Variants in SPECC1 observed in about 807,000 individuals in gnomAD.
The protein encoded by SPECC1 is cytospin-B.
Under a neutral mutation model 104.1 loss-of-function variants are expected in SPECC1, and 62 were observed. That is an observed-to-expected ratio of 0.60 (90% confidence interval 0.49 to 0.74). SPECC1 has a LOEUF of 0.74. Among genes scored for constraint, SPECC1 ranks in the 30% least tolerant of loss-of-function variants. SPECC1 has a pLI of 0.00. For synonymous variants in SPECC1, 513 were observed against 501.6 expected, an observed-to-expected ratio of 1.02 and a Z score of -0.30; for missense variants, 1,306 against 1,310.5, an observed-to-expected ratio of 1.00 and a Z score of 0.05.
chr17:20,198,067 G>C (rs1459711882), intron 3 of SPECC1, among the ~76,000 whole-genome samples: 1 of 152,172 alleles, frequency 6.6e-6, no homozygotes. Flanking sequence ...GATCTGGCTT[G>C]CAGCACCATT....
chr17:20,260,473 G>A (rs565289585), intron 12 of SPECC1, among the ~76,000 whole-genome samples, 179 bp downstream of exon 12: 25 of 152,328 alleles, frequency 1.6e-4, no homozygotes, highest in Admixed American at 1.1e-3. Flanking sequence ...CAAAGGCACC[G>A]TGACAGAGGC....
chr17:20,253,350 C>T (rs1051355569), intron 9 of SPECC1, among the ~76,000 whole-genome samples, 155 bp from the exon 10 acceptor site: 4 of 152,092 alleles, frequency 2.6e-5, no homozygotes, highest in Admixed American at 2.6e-4. Context: ...GCATGTATTA[C>T]CTATTCAAAT....
intron 4 of SPECC1, among the ~76,000 whole-genome samples, chr17:20,226,427 G>A (rs1293413854): frequency 6.6e-6 from 1 of 152,134 alleles, no homozygotes; most frequent in Non-Finnish European, 1.5e-5. Context: ...GTAGCATTGT[G>A]TAAAAGGACA....
intron 4 of SPECC1, among the ~76,000 whole-genome samples, chr17:20,208,062 T>C (rs1019989269): frequency 6.6e-6 from 1 of 152,232 alleles, no homozygotes; most frequent in Non-Finnish European, 1.5e-5. Flanking sequence ...TGGAATCTTC[T>C]GGAATAAACT....
intron 4 of SPECC1, among the ~76,000 whole-genome samples, chr17:20,207,044 G>C (rs1405717338): frequency 6.6e-6 from 1 of 152,202 alleles, no homozygotes; most frequent in Non-Finnish European, 1.5e-5. Context: ...TCCCAGAGCA[G>C]TGCTGGAGAG....
chr17:20,275,095 T>C (rs1233679140), intron 12 of SPECC1, among the ~76,000 whole-genome samples: 1 of 152,122 alleles, frequency 6.6e-6, no homozygotes, highest in Non-Finnish European at 1.5e-5. Context: ...TTTTAGCTTT[T>C]AATGAGCTAT....
At position 20,184,258 on chromosome 17, in the gene SPECC1, G is replaced by A. The variant is rs145877663; in HGVS notation, c.284-20075G>A. ...GGACAAGTGAGAGCTATTTCCTGAA[G>A]CTATGACCAGGATGTATTATCAGGT... On this transcript the variant is annotated intron_variant, in intron 3 of 14. Transcript: ENST00000395527. Among the ~76,000 whole-genome samples the A allele has an allele frequency of 5.9e-3, 894 of 151,158 alleles. 2 individuals are homozygous for A. Among genetic ancestry groups the A allele is most frequent in the Middle Eastern group, 0.014 (4 of 288 alleles).
chr17:20,015,622 T>C (rs2044091884), intron 1 of SPECC1, among the ~76,000 whole-genome samples: 1 of 140,996 alleles, frequency 7.1e-6, no homozygotes, highest in East Asian at 2.0e-4. Flanking sequence ...TCTCGCTCTG[T>C]CGCCCAGGCT....
At chr17:20,123,749 T>C (rs952402657) in intron 3 of SPECC1, among the ~76,000 whole-genome samples, 2 of 152,250 alleles carry the variant, frequency 1.3e-5, no homozygotes, top group Admixed American at 6.5e-5. Context: ...TTACCTGTTG[T>C]AGAATTACTA....
chr17:20,236,739 C>G, intron 7 of SPECC1: 2 of 1,324,062 alleles, frequency 1.5e-6, no homozygotes, highest in Non-Finnish European at 2.1e-6. Context: ...TTGGCCTATC[C>G]TGGACATTAG....
intron 3 of SPECC1, among the ~76,000 whole-genome samples, chr17:20,129,271 G>A (rs368868286): frequency 2.7e-5 from 4 of 150,504 alleles, no homozygotes; most frequent in Non-Finnish European, 5.9e-5. Flanking sequence ...TGCAAGCTCC[G>A]CCTCCCGGGT....
chr17:20,139,006 C>T (rs2030396784), intron 3 of SPECC1, among the ~76,000 whole-genome samples: 1 of 152,160 alleles, frequency 6.6e-6, no homozygotes, highest in Non-Finnish European at 1.5e-5. Flanking sequence ...TGCAGCAATT[C>T]AGAGACAAGC....
chr17:20,047,352 C>CT (rs1567811231), intron 1 of SPECC1, among the ~76,000 whole-genome samples: 1 of 152,134 alleles, frequency 6.6e-6, no homozygotes, highest in African/African-American at 2.4e-5. Flanking sequence ...TGCCTTTTTC[C>CT]GCATTATGGG....
At chr17:20,112,277 G>T in intron 3 of SPECC1, 1 of 762,224 alleles carries the variant, frequency 1.3e-6, no homozygotes, top group Middle Eastern at 3.7e-4. Context: ...TGAACTACTT[G>T]TGTCATGGAG....
At chr17:20,262,962 A>T (rs1393749209) in intron 12 of SPECC1, among the ~76,000 whole-genome samples, 1 of 152,090 alleles carries the variant, frequency 6.6e-6, no homozygotes, top group East Asian at 1.9e-4. Flanking sequence ...GTGAGCTGAG[A>T]TAGCACCACT....
At chr17:20,032,522 TC>T (rs1249065876) in intron 1 of SPECC1, among the ~76,000 whole-genome samples, 1 of 152,194 alleles carries the variant, frequency 6.6e-6, no homozygotes, top group African/African-American at 2.4e-5. Flanking sequence ...ACTAAATTTT[TC>T]TTCTGCCAGT....
chr17:20,094,460 TC>T (rs2047551227), intron 1 of SPECC1, among the ~76,000 whole-genome samples: 1 of 152,178 alleles, frequency 6.6e-6, no homozygotes, highest in Non-Finnish European at 1.5e-5. Context: ...GGACTTAGAC[TC>T]CTGAAATGTT....
At position 20,141,035 on chromosome 17, in the gene SPECC1, G is replaced by C. The variant is rs112185784; in HGVS notation, c.283+30473G>C. ...CCGGGGCCTTGCTTGTCTAGGCTGTGCATGTCCAAGCCAAGCCCCTCCCTC... is the reference window on the plus strand; with the variant it reads ...CCGGGGCCTTGCTTGTCTAGGCTGTCCATGTCCAAGCCAAGCCCCTCCCTC... On this transcript the variant is annotated intron_variant, in intron 3 of 14. Transcript: ENST00000395527. 2.8e-4 allele frequency among the ~76,000 whole-genome samples: 42 copies of C among 152,282 alleles called. 1 individual carries two copies. Among genetic ancestry groups the C allele is most frequent in the African/African-American group, 9.9e-4 (41 of 41,556 alleles).
chr17:20,036,330 A>G lies in SPECC1; in HGVS notation c.-22+26906A>G, dbSNP rs148434936. ...TTATTAGTGGAGACGGGATTTCACTATGTTGACCATTCTGGTCTCAAACTC... is the reference window on the plus strand; with the variant it reads ...TTATTAGTGGAGACGGGATTTCACTGTGTTGACCATTCTGGTCTCAAACTC... On this transcript the variant is annotated intron_variant, in intron 1 of 14. Transcript: ENST00000395527. Among the ~76,000 whole-genome samples, 239 of 151,966 alleles carry G rather than the reference A, an allele frequency of 1.6e-3. 2 individuals are homozygous for G. The South Asian group carries it at 0.038, about 24-fold the overall frequency.
Sources: allele counts gnomAD v4.1 joint callset (sites outside exome capture counted in the v4.1 genomes callset), GRCh38; gene constraint gnomAD v4.1.1; transcripts MANE v1.5; gene names NCBI Gene and HGNC (gene_info 2026-07-23, HGNC 2026-07-21).